The following UGCG variants were observed in gnomAD, a reference collection of about 807,000 sequenced individuals.
UGCG encodes ceramide glucosyltransferase.
A neutral mutation model predicts 49.5 loss-of-function variants in UGCG; 10 were observed. The ratio of observed to expected loss-of-function variants is 0.20; its 90% confidence interval spans 0.12 to 0.34. UGCG has a LOEUF of 0.34. Ranked by LOEUF, UGCG falls within the 10% of genes least tolerant of loss-of-function variation. The pLI, the probability that UGCG is intolerant of heterozygous loss-of-function variation, is 1.00. For missense variants in UGCG, 312 were observed against 483.7 expected (o/e 0.65, Z 3.33); for synonymous variants, 182 against 158.2 (o/e 1.15, Z -1.13).
At chr9:111,910,424 C>G (rs912370696) in intron 1 of UGCG, among the ~76,000 whole-genome samples, 1 of 152,164 alleles carries the variant, frequency 6.6e-6, no homozygotes, top group African/African-American at 2.4e-5. Context: ...ACATCTCAAA[C>G]TTTTTCATGA....
intron 2 of UGCG, among the ~76,000 whole-genome samples, chr9:111,916,618 T>C (rs1391056864): frequency 6.6e-6 from 1 of 151,934 alleles, no homozygotes; most frequent in Non-Finnish European, 1.5e-5. Context: ...TATGGGCATG[T>C]GCTACCACAC....
chr9:111,922,047 T>C (rs1382935645), intron 2 of UGCG, among the ~76,000 whole-genome samples: 1 of 151,632 alleles, frequency 6.6e-6, no homozygotes, highest in Admixed American at 6.6e-5. Flanking sequence ...ACCTAGGCTC[T>C]AGCAGTCTTC....
At chr9:111,926,916 A>G (rs560247003) in intron 5 of UGCG, among the ~76,000 whole-genome samples, 1 of 109,746 alleles carries the variant, frequency 9.1e-6, no homozygotes, top group South Asian at 3.2e-4. Context: ...TCTGTTGCCC[A>G]GGCTGGAGTG....
intron 2 of UGCG, 155 bp from the exon 3 acceptor site, chr9:111,922,694 A>G (rs143013780): frequency 2.1e-4 from 95 of 442,472 alleles, no homozygotes; most frequent in African/African-American, 1.9e-3. Flanking sequence ...AACACTTGTT[A>G]TCATAAGTGT....
chr9:111,931,212 C>G, intron 6 of UGCG, 59 bp from the exon 7 acceptor site: 5 of 1,502,428 alleles, frequency 3.3e-6, no homozygotes, highest in Non-Finnish European at 2.8e-6. Context: ...AATGCATAAC[C>G]AGTTACGCTT....
In UGCG at chr9:111,916,726, A is replaced by G. The variant is rs1467184090; in HGVS notation, c.240+1980A>G. On this transcript the variant is annotated intron_variant, in intron 2 of 8. Transcript: ENST00000374279. Reference sequence around the variant, plus strand: ...AGCAATCCCCCCACCTCAGCCTCCCAAAGTGCTGGGATTACAGACATGAGC... The same window carrying G: ...AGCAATCCCCCCACCTCAGCCTCCCGAAGTGCTGGGATTACAGACATGAGC... Among the ~76,000 whole-genome samples the G allele has an allele frequency of 3.3e-5, 5 of 151,314 alleles. No individual in the cohort carries two copies. The East Asian group carries it at 9.9e-4, about 30-fold the overall frequency.
intron 1 of UGCG, among the ~76,000 whole-genome samples, chr9:111,910,806 C>T (rs987739527): frequency 1.3e-5 from 2 of 152,058 alleles, no homozygotes; most frequent in Admixed American, 6.6e-5. Flanking sequence ...AGTGCAGTGG[C>T]GCGATCTCTG....
At chr9:111,903,450 A>G (rs1032175760) in intron 1 of UGCG, among the ~76,000 whole-genome samples, 1 of 152,080 alleles carries the variant, frequency 6.6e-6, no homozygotes, top group Non-Finnish European at 1.5e-5. Flanking sequence ...CTGTAATCCC[A>G]GCTACTTGGG....
chr9:111,897,475 G>A (rs1698349005), intron 1 of UGCG, among the ~76,000 whole-genome samples, 162 bp downstream of exon 1: 1 of 152,132 alleles, frequency 6.6e-6, no homozygotes, highest in Admixed American at 6.5e-5. Flanking sequence ...TCGGACCGGC[G>A]GTGGCGGTGG....
chr9:111,897,803 C>G (rs938650695), intron 1 of UGCG, among the ~76,000 whole-genome samples: 1 of 151,584 alleles, frequency 6.6e-6, no homozygotes, highest in Non-Finnish European at 1.5e-5. Flanking sequence ...GTGTGAAGCA[C>G]CTGTCCACCC....
At chr9:111,916,097 A>C (rs146395296) in intron 2 of UGCG, among the ~76,000 whole-genome samples, 4 of 152,278 alleles carry the variant, frequency 2.6e-5, no homozygotes, top group African/African-American at 9.6e-5. Context: ...AAAAATGGTA[A>C]AACTTAGCCT....
intron 1 of UGCG, among the ~76,000 whole-genome samples, chr9:111,901,507 T>C (rs750308037): frequency 1.4e-4 from 22 of 152,192 alleles, no homozygotes; most frequent in Middle Eastern, 3.4e-3. Flanking sequence ...TAGACTATAG[T>C]GTGATAGCTT....
At position 111,897,013 on chromosome 9, in the gene UGCG, C is replaced by T; in HGVS notation, c.-203C>T. The T allele has an allele frequency of 3.4e-6, 1 of 292,248 alleles. No individual in the cohort carries two copies. The highest frequency in any genetic ancestry group is 2.3e-5 in the African/African-American group (1 of 42,702). 18.1% of individuals were successfully genotyped at this position (292,248 alleles called of 1,614,324 possible). On this transcript the variant is annotated 5_prime_UTR_variant, in exon 1 of 9. Coordinates refer to ENST00000374279, the MANE Select transcript of UGCG (RefSeq NM_003358.3). ...CAGCCGCCCGCGAGCGCGCCGAAGACAGCGCGCAGGCGAGAGCGCGCGGGC... is the reference window on the plus strand; with the variant it reads ...CAGCCGCCCGCGAGCGCGCCGAAGATAGCGCGCAGGCGAGAGCGCGCGGGC...
chr9:111,911,689 G>C (rs1837997300), intron 1 of UGCG, among the ~76,000 whole-genome samples: 1 of 151,636 alleles, frequency 6.6e-6, no homozygotes, highest in African/African-American at 2.4e-5. Context: ...TTTGAGCCTA[G>C]GAGTTCAAGA....
intron 1 of UGCG, among the ~76,000 whole-genome samples, chr9:111,905,308 G>T (rs1026316916): frequency 6.6e-6 from 1 of 151,974 alleles, no homozygotes; most frequent in Non-Finnish European, 1.5e-5. Context: ...TTCTTACCTT[G>T]GTCTCTCCAG....
At chr9:111,917,908 C>T (rs1229161150) in intron 2 of UGCG, among the ~76,000 whole-genome samples, 1 of 152,176 alleles carries the variant, frequency 6.6e-6, no homozygotes, top group Admixed American at 6.5e-5. Flanking sequence ...CAATAATCTG[C>T]GTCTAAAGTG....
intron 1 of UGCG, among the ~76,000 whole-genome samples, chr9:111,906,058 A>G (rs1837876357): frequency 1.3e-5 from 2 of 152,130 alleles, no homozygotes; most frequent in Non-Finnish European, 2.9e-5. Flanking sequence ...ATCATTTGGT[A>G]TGCTTGTGAA....
At chr9:111,921,828 T>TTTTTTTTTG (rs1838227949) in intron 2 of UGCG, among the ~76,000 whole-genome samples, 1 of 134,298 alleles carries the variant, frequency 7.4e-6, no homozygotes, top group African/African-American at 2.9e-5. Flanking sequence ...TTTTTTTTTT[T>TTTTTTTTTG]GAGGCAGGGT....
rs1305660861 is a variant in UGCG, at chr9:111,935,279, A to C, written c.*2282A>C. On this transcript the variant is annotated 3_prime_UTR_variant, in exon 9 of 9. Coordinates refer to ENST00000374279, the MANE Select transcript of UGCG (RefSeq NM_003358.3). Reference sequence around the variant, plus strand: ...TAAATTTAATAAATCTTTAAAAAAAACCAGTGTCTAGAATATATACCATGT... The same window carrying C: ...TAAATTTAATAAATCTTTAAAAAAACCCAGTGTCTAGAATATATACCATGT... The C allele has an allele frequency of 6.6e-6, 1 of 152,202 alleles. No homozygotes were observed. The highest frequency in any genetic ancestry group is 1.5e-5 in the Non-Finnish European group (1 of 68,040). 9.4% of individuals were successfully genotyped at this position (152,202 alleles called of 1,614,324 possible). A position where few individuals can be genotyped will look rare whatever the true frequency, so the allele number is the denominator to read the frequency against.
Sources: gnomAD v4.1 joint callset for allele counts (sites outside exome capture counted in the v4.1 genomes callset) on GRCh38, gnomAD v4.1.1 for gene constraint, MANE v1.5 for transcripts, NCBI Gene and HGNC (gene_info 2026-07-23, HGNC 2026-07-21) for gene names.